LDLRAD3: variants seen among roughly 807,000 people sequenced by gnomAD.
The protein encoded by LDLRAD3 is low density lipoprotein receptor class A domain containing 3.
LDLRAD3 carries 20 observed loss-of-function variants against 29.4 expected under a neutral mutation model. The observed-to-expected ratio is 0.68, with a 90% CI of 0.48 to 0.99. LDLRAD3 has a LOEUF of 0.99. Among genes scored for constraint, LDLRAD3 ranks in the 50% least tolerant of loss-of-function variants. LDLRAD3 has a pLI of 0.00. For synonymous variants in LDLRAD3, 157 were observed against 192.7 expected, an observed-to-expected ratio of 0.81 and a Z score of 1.53; for missense variants, 420 against 454.3, an observed-to-expected ratio of 0.92 and a Z score of 0.69.
In LDLRAD3 at chr11:36,005,233, A is replaced by ATTT. The variant is rs1851869950; in HGVS notation, c.47-30870_47-30869insTTT. 4.6e-5 allele frequency among the ~76,000 whole-genome samples: 7 copies of ATTT among 152,300 alleles called. No homozygotes were observed. The South Asian group carries it at 1.5e-3, about 32-fold the overall frequency. ...TTAAATATAAGTTCCAATTTCAGAT[A>ATTT]ATCTCTTTGTTCATGCATATGAGCA... On this transcript the variant is annotated intron_variant, in intron 1 of 5. Coordinates refer to ENST00000315571, the MANE Select transcript of LDLRAD3 (RefSeq NM_174902.4).
chr11:36,104,960 C>T (rs1853505480), intron 4 of LDLRAD3, among the ~76,000 whole-genome samples: 1 of 152,180 alleles, frequency 6.6e-6, no homozygotes, highest in Non-Finnish European at 1.5e-5. Context: ...CAAAAGTTTT[C>T]CTTTCCATGA....
chr11:36,128,973 G>C (rs771355292), intron 4 of LDLRAD3, among the ~76,000 whole-genome samples: 1 of 152,216 alleles, frequency 6.6e-6, no homozygotes, highest in Non-Finnish European at 1.5e-5. Context: ...CTACATGAGG[G>C]ATGGTGGTGG....
chr11:36,070,691 T>C (rs1460914197), intron 2 of LDLRAD3, among the ~76,000 whole-genome samples: 1 of 152,176 alleles, frequency 6.6e-6, no homozygotes, highest in African/African-American at 2.4e-5. Context: ...TTAGTGTGCT[T>C]AGTAAAAATG....
intron 4 of LDLRAD3, among the ~76,000 whole-genome samples, chr11:36,157,599 G>A (rs900521001): frequency 6.6e-6 from 1 of 152,142 alleles, no homozygotes; most frequent in African/African-American, 2.4e-5. Context: ...GTGGATTGGG[G>A]GTCATGATAA....
intron 2 of LDLRAD3, among the ~76,000 whole-genome samples, chr11:36,075,087 G>A (rs1852974876): frequency 6.6e-6 from 1 of 152,116 alleles, no homozygotes; most frequent in African/African-American, 2.4e-5. Flanking sequence ...TTTTTCTGCT[G>A]GAAGTCTGGA....
At chr11:36,054,346 T>G (rs1225498711) in intron 2 of LDLRAD3, among the ~76,000 whole-genome samples, 1 of 152,190 alleles carries the variant, frequency 6.6e-6, no homozygotes, top group Non-Finnish European at 1.5e-5. Flanking sequence ...CTGCAGGGGA[T>G]GTGAGTAAAA....
chr11:36,032,110 C>G (rs1208361368), intron 1 of LDLRAD3, among the ~76,000 whole-genome samples: 1 of 152,194 alleles, frequency 6.6e-6, no homozygotes, highest in African/African-American at 2.4e-5. Context: ...AGGGCCCACC[C>G]TAATGCCATT....
chr11:35,954,577 A>C (rs1037743545), intron 1 of LDLRAD3, among the ~76,000 whole-genome samples: 15 of 152,210 alleles, frequency 9.9e-5, no homozygotes, highest in African/African-American at 3.6e-4. Flanking sequence ...AAGAGACGGA[A>C]TTGGGAGAGT....
At chr11:35,955,217 C>G (rs1483192640) in intron 1 of LDLRAD3, among the ~76,000 whole-genome samples, 3 of 152,138 alleles carry the variant, frequency 2.0e-5, no homozygotes, top group Non-Finnish European at 2.9e-5. Context: ...TGCACTCCAG[C>G]CTGGGCAACA....
chr11:36,151,111 C>T (rs1167309490), intron 4 of LDLRAD3, among the ~76,000 whole-genome samples: 1 of 152,144 alleles, frequency 6.6e-6, no homozygotes, highest in Non-Finnish European at 1.5e-5. Flanking sequence ...TCTAGAACGC[C>T]CTCACCAGTC....
chr11:36,019,089 A>AT (rs1852059213), intron 1 of LDLRAD3, among the ~76,000 whole-genome samples: 1 of 152,046 alleles, frequency 6.6e-6, no homozygotes. Flanking sequence ...TTTTTATTTA[A>AT]TTAGGTGAAA....
At chr11:36,050,045 C>T (rs7122453) in intron 2 of LDLRAD3, among the ~76,000 whole-genome samples, 28,886 of 152,002 alleles carry the variant, frequency 0.19, 3,042 homozygotes, top group East Asian at 0.46. Context: ...AGAATAGACC[C>T]GAGAATTTTG....
intron 3 of LDLRAD3, among the ~76,000 whole-genome samples, chr11:36,096,837 A>C (rs1453219454): frequency 6.6e-6 from 1 of 152,216 alleles, no homozygotes; most frequent in Admixed American, 6.5e-5. Context: ...AATCATGTAG[A>C]GGGTCCTGTC....
At chr11:35,977,253 A>G (rs774834386) in intron 1 of LDLRAD3, among the ~76,000 whole-genome samples, 41 of 152,182 alleles carry the variant, frequency 2.7e-4, no homozygotes, top group Non-Finnish European at 4.9e-4. Flanking sequence ...GGAGGAAGGC[A>G]GAAGGCACCA....
At chr11:36,097,046 G>A (rs1853371309) in intron 3 of LDLRAD3, among the ~76,000 whole-genome samples, 2 of 152,208 alleles carry the variant, frequency 1.3e-5, no homozygotes, top group Non-Finnish European at 2.9e-5. Flanking sequence ...TTGCTGTTGT[G>A]TTGTTAAGTA....
chr11:36,071,981 A>G (rs531329498), intron 2 of LDLRAD3, among the ~76,000 whole-genome samples: 1 of 152,310 alleles, frequency 6.6e-6, no homozygotes, highest in African/African-American at 2.4e-5. Flanking sequence ...TAAATTTTAC[A>G]TCTGTCTTTG....
chr11:36,026,995 C>T (rs262434), intron 1 of LDLRAD3, among the ~76,000 whole-genome samples: 77,963 of 152,100 alleles, frequency 0.51, 20,207 homozygotes, highest in Admixed American at 0.58. Flanking sequence ...TCACGTTACT[C>T]TGGATTCGCC....
chr11:36,154,216 C>T (rs938586986), intron 4 of LDLRAD3, among the ~76,000 whole-genome samples: 21 of 152,164 alleles, frequency 1.4e-4, no homozygotes, highest in African/African-American at 5.1e-4. Context: ...GCCACACCGA[C>T]TGAAAGTAAG....
chr11:36,063,871 T>A (rs1852745534), intron 2 of LDLRAD3, among the ~76,000 whole-genome samples: 1 of 152,236 alleles, frequency 6.6e-6, no homozygotes, highest in African/African-American at 2.4e-5. Flanking sequence ...GTTCTTCTTT[T>A]TCAATATGGT....
Sources: gnomAD v4.1 joint callset for allele counts (sites outside exome capture counted in the v4.1 genomes callset) on GRCh38, gnomAD v4.1.1 for gene constraint, MANE v1.5 for transcripts, NCBI Gene and HGNC (gene_info 2026-07-23, HGNC 2026-07-21) for gene names.